The following CPNE8 variants were observed in gnomAD, a reference collection of about 807,000 sequenced individuals.
The protein encoded by CPNE8 is copine-8.
In CPNE8, 45 loss-of-function variants were observed where a neutral mutation model predicts 81.5. The observed-to-expected ratio is 0.55, with a 90% CI of 0.44 to 0.71. The LOEUF (loss-of-function observed/expected upper bound fraction) is 0.71. Ranked by LOEUF, CPNE8 falls within the 30% of genes least tolerant of loss-of-function variation. The probability of loss-of-function intolerance (pLI) is 0.00; values close to 1 mark genes in which losing one functional copy is unlikely to be tolerated. For synonymous variants in CPNE8, 252 were observed against 226.3 expected (o/e 1.11, Z -1.02); for missense variants, 594 against 672.1 (o/e 0.88, Z 1.28).
intron 1 of CPNE8, among the ~76,000 whole-genome samples, chr12:38,883,099 C>A (rs1456474964): frequency 3.9e-5 from 6 of 152,188 alleles, no homozygotes; most frequent in African/African-American, 1.4e-4. Context: ...TTAAATAAAT[C>A]ATTTCACTTA....
chr12:38,715,794 G>C (rs902216219), intron 13 of CPNE8, among the ~76,000 whole-genome samples: 1 of 151,988 alleles, frequency 6.6e-6, no homozygotes, highest in African/African-American at 2.4e-5. Context: ...CCTACCCAGC[G>C]CAATCAGACA....
chr12:38,665,036 T>A (rs2136638575), intron 19 of CPNE8, among the ~76,000 whole-genome samples: 1 of 152,352 alleles, frequency 6.6e-6, no homozygotes, highest in Non-Finnish European at 1.5e-5. Context: ...GGTGTTACTT[T>A]ATAAATGAGA....
At chr12:38,784,198 T>C (rs1942119253) in intron 6 of CPNE8, among the ~76,000 whole-genome samples, 1 of 152,180 alleles carries the variant, frequency 6.6e-6, no homozygotes, top group African/African-American at 2.4e-5. Context: ...ACAAAAATTC[T>C]GGAGCTAAAA....
intron 13 of CPNE8, among the ~76,000 whole-genome samples, chr12:38,712,746 G>A (rs1940290769): frequency 6.6e-6 from 1 of 152,176 alleles, no homozygotes; most frequent in Admixed American, 6.5e-5. Flanking sequence ...TAGATTTAGA[G>A]TTGAGTTTGG....
chr12:38,904,562 G>A (rs1944536671), intron 1 of CPNE8, among the ~76,000 whole-genome samples: 1 of 149,662 alleles, frequency 6.7e-6, no homozygotes, highest in Admixed American at 6.7e-5. Context: ...TCCACATCCC[G>A]GGTTCAAGCG....
At position 38,755,767 on chromosome 12, in the gene CPNE8, G is replaced by A. The variant is rs146970788; in HGVS notation, c.722+5080C>T. 2.6e-5 allele frequency among the ~76,000 whole-genome samples: 4 copies of A among 152,206 alleles called. No individual in the cohort carries two copies. In the East Asian group the frequency reaches 7.7e-4, roughly 29 times the overall value. ...TAAAAAGAACAGGTAACGGCCGGGC[G>A]CGGTGGCTCACGCCTGTAATCCCAG... On this transcript the variant is annotated intron_variant, in intron 10 of 19. Transcript: ENST00000331366.
intron 13 of CPNE8, among the ~76,000 whole-genome samples, chr12:38,704,639 C>T (rs1047876466): frequency 2.0e-5 from 3 of 151,764 alleles, no homozygotes; most frequent in Non-Finnish European, 4.4e-5. Context: ...ACACAGTACA[C>T]TGTGGAGCAT....
chr12:38,771,849 G>T (rs537418608), intron 7 of CPNE8, among the ~76,000 whole-genome samples: 1 of 152,242 alleles, frequency 6.6e-6, no homozygotes, highest in East Asian at 1.9e-4. Context: ...CTCAGCAAAG[G>T]AAACAATCAA....
At chr12:38,817,451 C>T (rs912176391) in intron 6 of CPNE8, among the ~76,000 whole-genome samples, 2 of 151,984 alleles carry the variant, frequency 1.3e-5, no homozygotes, top group African/African-American at 4.8e-5. Flanking sequence ...GTAACAGACA[C>T]CAGGAAGGAA....
intron 1 of CPNE8, among the ~76,000 whole-genome samples, chr12:38,877,476 T>C (rs1944084404): frequency 6.6e-6 from 1 of 152,068 alleles, no homozygotes; most frequent in African/African-American, 2.4e-5. Flanking sequence ...TTTTATAACA[T>C]GATGTTGAAC....
intron 6 of CPNE8, among the ~76,000 whole-genome samples, chr12:38,828,080 T>C (rs1943228804): frequency 6.6e-6 from 1 of 152,238 alleles, no homozygotes; most frequent in Non-Finnish European, 1.5e-5. Flanking sequence ...TTGTTTTCTC[T>C]TGAAGAATGT....
intron 6 of CPNE8, among the ~76,000 whole-genome samples, chr12:38,800,677 GAGA>G (rs1405018954): frequency 7.4e-5 from 1 of 13,508 alleles, no homozygotes; most frequent in African/African-American, 1.3e-4. Flanking sequence ...GACGAGCTGA[GAGA>G]AGAAGGCTTC....
intron 19 of CPNE8, among the ~76,000 whole-genome samples, chr12:38,659,617 C>T (rs532028668): frequency 6.6e-5 from 10 of 152,178 alleles, no homozygotes; most frequent in South Asian, 2.1e-4. Flanking sequence ...CCACATCGCA[C>T]GTATTCCAAA....
chr12:38,690,347 C>T (rs1939645948), intron 15 of CPNE8, among the ~76,000 whole-genome samples: 1 of 152,146 alleles, frequency 6.6e-6, no homozygotes, highest in African/African-American at 2.4e-5. Context: ...AATACTATCT[C>T]ACTAAAGACC....
chr12:38,676,777 AC>A (rs1939299133), intron 17 of CPNE8, among the ~76,000 whole-genome samples: 1 of 152,178 alleles, frequency 6.6e-6, no homozygotes, highest in African/African-American at 2.4e-5. Context: ...TATGAAGATC[AC>A]TGAAATATGA....
At chr12:38,720,040 C>CA (rs1453341350) in intron 13 of CPNE8, among the ~76,000 whole-genome samples, 2 of 152,112 alleles carry the variant, frequency 1.3e-5, no homozygotes, top group Admixed American at 6.5e-5. Context: ...GGCTGGAGTG[C>CA]AGTGGTGCGA....
At chr12:38,755,896 C>A in intron 10 of CPNE8, among the ~76,000 whole-genome samples, 1 of 151,594 alleles carries the variant, frequency 6.6e-6, no homozygotes, top group Non-Finnish European at 1.5e-5. Flanking sequence ...AAAAATTAGC[C>A]GGGCGTAGTG....
intron 6 of CPNE8, among the ~76,000 whole-genome samples, chr12:38,792,067 TTATGA>T (rs1045535517): frequency 6.7e-6 from 1 of 148,510 alleles, no homozygotes; most frequent in African/African-American, 2.5e-5. Context: ...CATACCAAAC[TTATGA>T]TATAGTGAAA....
intron 17 of CPNE8, among the ~76,000 whole-genome samples, chr12:38,677,047 CA>C (rs968440862): frequency 2.6e-5 from 4 of 151,906 alleles, no homozygotes; most frequent in Admixed American, 2.6e-4. Context: ...GTTTTTTAAT[CA>C]ATCAGTCACT....
Sources: allele counts gnomAD v4.1 joint callset (sites outside exome capture counted in the v4.1 genomes callset), GRCh38; gene constraint gnomAD v4.1.1; transcripts MANE v1.5; gene names NCBI Gene and HGNC (gene_info 2026-07-23, HGNC 2026-07-21).